SLC14A1: variants seen among roughly 807,000 people sequenced by gnomAD.
The protein encoded by SLC14A1 is urea transporter 1.
A neutral mutation model predicts 39.6 loss-of-function variants in SLC14A1; 36 were observed. That is an observed-to-expected ratio of 0.91 (90% confidence interval 0.70 to 1.20). The LOEUF (loss-of-function observed/expected upper bound fraction) is 1.20. Among genes scored for constraint, SLC14A1 ranks in the 50% most tolerant of loss-of-function variants. The pLI, the probability that SLC14A1 is intolerant of heterozygous loss-of-function variation, is 0.00. For missense variants in SLC14A1, 469 were observed against 478.7 expected (o/e 0.98, Z 0.19); for synonymous variants, 164 against 173.6 (o/e 0.94, Z 0.43).
At chr18:45,745,359 G>C (rs925519828) in intron 8 of SLC14A1, among the ~76,000 whole-genome samples, 4 of 152,184 alleles carry the variant, frequency 2.6e-5, no homozygotes, top group Non-Finnish European at 4.4e-5. Context: ...CGGGATACCA[G>C]CTGTTTGGGT....
chr18:45,743,195 C>T (rs1321123239), intron 8 of SLC14A1, among the ~76,000 whole-genome samples: 1 of 152,138 alleles, frequency 6.6e-6, no homozygotes, highest in Non-Finnish European at 1.5e-5. Context: ...GGCTTTTTTG[C>T]CCCCTTCTTA....
At chr18:45,738,662 T>C (rs1422746811) in intron 6 of SLC14A1, among the ~76,000 whole-genome samples, 1 of 152,224 alleles carries the variant, frequency 6.6e-6, no homozygotes, top group Non-Finnish European at 1.5e-5. Context: ...AACCTGGCTT[T>C]GGGTCTCTGG....
At chr18:45,742,029 A>G (rs1714031856) in intron 8 of SLC14A1, among the ~76,000 whole-genome samples, 1 of 152,230 alleles carries the variant, frequency 6.6e-6, no homozygotes, top group African/African-American at 2.4e-5. Context: ...ACAGAGTGTT[A>G]CAATAGAGGG....
intron 8 of SLC14A1, among the ~76,000 whole-genome samples, chr18:45,748,150 TC>T (rs1340123041): frequency 2.6e-5 from 4 of 152,188 alleles, no homozygotes; most frequent in African/African-American, 9.7e-5. Context: ...AAAAATATAT[TC>T]CTCTTACTTC....
At position 45,739,575 on chromosome 18, in the gene SLC14A1, G is replaced by C. The variant is rs1599294641; in HGVS notation, c.859G>C (p.Gly287Arg). Residue 287 changes from glycine (G) to arginine (R), a missense_variant, in exon 8 of 10, where the codon GGT (glycine) becomes CGT (arginine). By Grantham distance (125) the Gly-to-Arg change is moderately radical. Coordinates refer to ENST00000321925, the MANE Select transcript of SLC14A1 (RefSeq NM_015865.7). ...TGAGGACATCTACTTTGGACTCTGG[G>C]GTTTCAACAGCTCTCTGGCCTGCAT... ...PFEDIYFGLW[G>R]FNSSLACIAM... is the part of the protein sequence containing the mutation. The C allele has an allele frequency of 2.5e-6, 4 of 1,614,172 alleles. No homozygotes were observed. Among genetic ancestry groups the C allele is most frequent in the Non-Finnish European group, 3.4e-6 (4 of 1,180,030 alleles).
At chr18:45,733,588 CTT>C (rs1281480898) in intron 4 of SLC14A1, among the ~76,000 whole-genome samples, 1 of 152,194 alleles carries the variant, frequency 6.6e-6, no homozygotes, top group Non-Finnish European at 1.5e-5. Context: ...GTCAGAGGCT[CTT>C]GATTTAAAAG....
Position 45,731,057 on chromosome 18 carries a change from G to T in SLC14A1, c.194G>T (p.Gly65Val). Residue 65 changes from glycine (G) to valine (V), a missense_variant, in exon 4 of 10, where the codon GGC becomes GTC. By Grantham distance (109) the Gly-to-Val change is moderately radical. Coordinates refer to ENST00000321925, the MANE Select transcript of SLC14A1 (RefSeq NM_015865.7). ...CAGTTCATTGACTGGATTCTCCGGG[G>T]CATATCCCAAGTGGTGTTCGTCAAC... The part of the protein sequence containing the change: ...VLQFIDWILR[G>V]ISQVVFVNNP... 1 of 1,614,134 alleles carries T rather than the reference G, an allele frequency of 6.2e-7. No homozygotes were observed. Among genetic ancestry groups the T allele is most frequent in the Non-Finnish European group, 8.5e-7 (1 of 1,180,004 alleles).
At position 45,752,079 on chromosome 18, in the gene SLC14A1, A is replaced by T. The variant is rs903559014; in HGVS notation, c.*2128A>T. 2 of 985,412 alleles carry T rather than the reference A, an allele frequency of 2.0e-6. No individual in the cohort carries two copies. Among genetic ancestry groups the T allele is most frequent in the Non-Finnish European group, 2.4e-6 (2 of 829,934 alleles). 61.0% of individuals were successfully genotyped at this position (985,412 alleles called of 1,614,324 possible). On this transcript the variant is annotated 3_prime_UTR_variant, in exon 10 of 10. Transcript: ENST00000321925. ...TTCCAATTTTAAAACCCAGTGACCA[A>T]AGCCTTTGGAACTATGAATTTGCAA...
rs573440021 is a variant in SLC14A1, at chr18:45,746,272, A to G, written c.947-2104A>G. On this transcript the variant is annotated intron_variant, in intron 8 of 9. Transcript: ENST00000321925. ...TCAAGGGCCTTTTCTTCCCTCAGCT[A>G]CCAAGAATGCTGTCAGGGTCATTGC... Among the ~76,000 whole-genome samples, 8 of 152,302 alleles carry G rather than the reference A, an allele frequency of 5.3e-5. No homozygotes were observed. In the East Asian group the frequency reaches 1.5e-3, roughly 29 times the overall value.
chr18:45,739,841 C>T (rs1014066868), intron 8 of SLC14A1, 179 bp downstream of exon 8: 12 of 686,722 alleles, frequency 1.7e-5, no homozygotes, highest in East Asian at 8.2e-5. Context: ...TTAAAATCAC[C>T]TCTGCCTACC....
In SLC14A1 at chr18:45,731,039, T is replaced by C. The variant is rs1351049000; in HGVS notation, c.176T>C (p.Ile59Thr). 6.2e-7 allele frequency: 1 copy of C among 1,614,208 alleles called. No homozygotes were observed. Among genetic ancestry groups the C allele is most frequent in the Non-Finnish European group, 8.5e-7 (1 of 1,180,016 alleles). ...LKDKPVVLQF[I>T]DWILRGISQV... ...GACAAACCCGTGGTGCTCCAGTTCATTGACTGGATTCTCCGGGGCATATCC... is the reference window on the plus strand; with the variant it reads ...GACAAACCCGTGGTGCTCCAGTTCACTGACTGGATTCTCCGGGGCATATCC... The change falls in exon 4 of 10, where the codon ATT becomes ACT. Residue 59 changes from isoleucine (I) to threonine (T), a missense_variant. Transcript: ENST00000321925.
At chr18:45,727,501 T>C (rs2046905085) in intron 2 of SLC14A1, 1 of 1,433,982 alleles carries the variant, frequency 7.0e-7, no homozygotes, top group Non-Finnish European at 9.2e-7. Flanking sequence ...GGGCAGAGCC[T>C]GGGAAGTGGG....
At chr18:45,741,853 A>G (rs1261051394) in intron 8 of SLC14A1, among the ~76,000 whole-genome samples, 3 of 152,232 alleles carry the variant, frequency 2.0e-5, no homozygotes, top group Non-Finnish European at 4.4e-5. Context: ...ACAACCTTTC[A>G]GCTTTATTCT....
chr18:45,726,146 A>G (rs750458133), intron 2 of SLC14A1, among the ~76,000 whole-genome samples: 2 of 152,248 alleles, frequency 1.3e-5, no homozygotes, highest in Non-Finnish European at 2.9e-5. Flanking sequence ...AGTGTGGTAC[A>G]GAACTAGCCA....
intron 7 of SLC14A1, 104 bp downstream of exon 7, chr18:45,739,414 A>G (rs2047291586): frequency 6.2e-7 from 1 of 1,606,870 alleles, no homozygotes; most frequent in Admixed American, 1.7e-5. Flanking sequence ...TTGGCTTCCT[A>G]GGGACCAATG....
intron 4 of SLC14A1, 56 bp from the exon 5 acceptor site, chr18:45,734,218 C>T: frequency 1.2e-6 from 2 of 1,610,266 alleles, no homozygotes; most frequent in Admixed American, 1.7e-5. Flanking sequence ...TATTTATGTG[C>T]AAGTGCAACC....
intron 6 of SLC14A1, among the ~76,000 whole-genome samples, chr18:45,737,080 A>G (rs2047219912): frequency 6.6e-6 from 1 of 152,152 alleles, no homozygotes. Flanking sequence ...GCTTTTCCTT[A>G]TGGCATAGCT....
In SLC14A1 at chr18:45,749,783, A is replaced by G. The variant is rs772635101; in HGVS notation, c.1002A>G (p.Gly334=). 3 of 1,614,058 alleles carry G rather than the reference A, an allele frequency of 1.9e-6. No homozygotes were observed. The highest frequency in any genetic ancestry group is 2.7e-5 in the African/African-American group (2 of 74,912). Residue 334 remains glycine, a synonymous_variant, in exon 10 of 10, where the codon GGA becomes GGG. Coordinates refer to ENST00000321925, the MANE Select transcript of SLC14A1 (RefSeq NM_015865.7). The part of the protein sequence containing the change: ...VGMANFMAEV[G]LPACTWPFCL... ...GGCTTTCTCTTCTTCCCCAGGTTGG[A>G]TTGCCAGCTTGTACCTGGCCCTTCT...
chr18:45,748,400 T>G lies in SLC14A1; in HGVS notation c.971T>G (p.Val324Gly). ...GCALFTAYLG[V>G]GMANFMAEVG... The stretch of plus-strand genomic sequence containing the variant: ...GCCCTGTTCACGGCCTATCTTGGAG[T>G]CGGCATGGCAAACTTTATGGCTGAG... Residue 324 changes from valine (V) to glycine (G), a missense_variant, in exon 9 of 10, where the codon GTC (valine) becomes GGC (glycine). Val to Gly is a moderately radical substitution (Grantham distance 109). Coordinates refer to ENST00000321925, the MANE Select transcript of SLC14A1 (RefSeq NM_015865.7). 1 of 1,613,884 alleles carries G rather than the reference T, an allele frequency of 6.2e-7. No individual in the cohort carries two copies. Among genetic ancestry groups the G allele is most frequent in the Non-Finnish European group, 8.5e-7 (1 of 1,179,982 alleles).
Sources: allele counts gnomAD v4.1 joint callset (sites outside exome capture counted in the v4.1 genomes callset), GRCh38; gene constraint gnomAD v4.1.1; transcripts MANE v1.5; gene names NCBI Gene and HGNC (gene_info 2026-07-23, HGNC 2026-07-21).